Variants in PIK3C2G observed in about 807,000 individuals in gnomAD.
PIK3C2G encodes phosphatidylinositol-4-phosphate 3-kinase catalytic subunit type 2 gamma.
A neutral mutation model predicts 181.1 loss-of-function variants in PIK3C2G; 168 were observed. That is an observed-to-expected ratio of 0.93 (90% CI 0.82 to 1.05). The LOEUF (loss-of-function observed/expected upper bound fraction) is 1.05. PIK3C2G is among the 50% of genes least tolerant of loss of function. PIK3C2G has a pLI of 0.00. For missense variants in PIK3C2G, 1,869 were observed against 1,732.8 expected (o/e 1.08, Z -1.40); for synonymous variants, 573 against 592.2 (o/e 0.97, Z 0.47).
At chr12:18,255,084 C>A (rs952478990) in intron 1 of PIK3C2G, among the ~76,000 whole-genome samples, 1 of 151,402 alleles carries the variant, frequency 6.6e-6, no homozygotes, top group Non-Finnish European at 1.5e-5. Context: ...CAAAATTAGT[C>A]GGGCACATGC....
At chr12:18,425,648 C>A (rs1945765500) in intron 18 of PIK3C2G, among the ~76,000 whole-genome samples, 1 of 151,930 alleles carries the variant, frequency 6.6e-6, no homozygotes, top group Admixed American at 6.6e-5. Flanking sequence ...CCTTGGCCTC[C>A]CAAAGTGCTG....
In PIK3C2G at chr12:18,599,204, C is replaced by T. The variant is rs866602906; in HGVS notation, c.4087+4635C>T. Among the ~76,000 whole-genome samples, 967 of 152,158 alleles carry T rather than the reference C, an allele frequency of 6.4e-3. 2 individuals carry two copies. The highest frequency in any genetic ancestry group is 0.01 in the Middle Eastern group (3 of 294). ...CTCTAAAGACACATGCACACGTATG[C>T]TTATTGCGGCATTATTCACAATAGC... On this transcript the variant is annotated intron_variant, in intron 30 of 32. Coordinates refer to ENST00000538779, the MANE Select transcript of PIK3C2G (RefSeq NM_001288772.2).
intron 1 of PIK3C2G, among the ~76,000 whole-genome samples, chr12:18,270,253 C>T (rs1310837044): frequency 6.6e-6 from 1 of 152,094 alleles, no homozygotes; most frequent in Non-Finnish European, 1.5e-5. Context: ...CTATGGAAGG[C>T]AGTTATTAAT....
At chr12:18,353,787 T>G (rs1940454732) in intron 11 of PIK3C2G, among the ~76,000 whole-genome samples, 1 of 152,194 alleles carries the variant, frequency 6.6e-6, no homozygotes, top group Non-Finnish European at 1.5e-5. Flanking sequence ...GATAGAGATG[T>G]GTGCTTTACC....
At chr12:18,668,670 C>T in the PIK3C2G span, among the ~76,000 whole-genome samples, 1 of 152,164 alleles carries the variant, frequency 6.6e-6, no homozygotes, top group Admixed American at 6.5e-5. Context: ...GTGCTGCTCA[C>T]TTCAGGCCAA....
chr12:18,470,867 A>G lies in PIK3C2G; in HGVS notation c.2505-17582A>G, dbSNP rs548038200. On this transcript the variant is annotated intron_variant, in intron 18 of 32. Coordinates refer to ENST00000538779, the MANE Select transcript of PIK3C2G (RefSeq NM_001288772.2). ...GTTTCAAAAATCAAAATTAAATATT[A>G]TAACGTTTTATTATAATGTTTTATT... is the stretch of plus-strand genomic sequence containing the variant. Among the ~76,000 whole-genome samples the G allele has an allele frequency of 2.0e-5, 3 of 152,266 alleles. No individual in the cohort carries two copies. The South Asian group carries it at 6.2e-4, about 32-fold the overall frequency.
intron 18 of PIK3C2G, among the ~76,000 whole-genome samples, chr12:18,472,155 G>A (rs1038226259): frequency 6.6e-6 from 1 of 152,078 alleles, no homozygotes; most frequent in African/African-American, 2.4e-5. Flanking sequence ...ATGTTCAAAT[G>A]TATAAAAACA....
chr12:18,579,724 G>A (rs958279851), intron 29 of PIK3C2G, among the ~76,000 whole-genome samples: 4 of 151,990 alleles, frequency 2.6e-5, no homozygotes, highest in African/African-American at 9.7e-5. Context: ...TTTTCTTTCA[G>A]TGTTTGTAGT....
intron 1 of PIK3C2G, among the ~76,000 whole-genome samples, chr12:18,248,585 C>G (rs199507062): frequency 2.4e-5 from 1 of 42,140 alleles, no homozygotes; most frequent in Non-Finnish European, 6.2e-5. Flanking sequence ...AAAACAACAA[C>G]AACAACAACA....
chr12:18,673,064 A>T, the PIK3C2G span, among the ~76,000 whole-genome samples: 4 of 152,192 alleles, frequency 2.6e-5, no homozygotes, highest in Non-Finnish European at 5.9e-5. Context: ...GAAGAGAATT[A>T]AAAAGCAGAC....
At chr12:18,288,844 G>A (rs930130313) in intron 3 of PIK3C2G, among the ~76,000 whole-genome samples, 5 of 152,028 alleles carry the variant, frequency 3.3e-5, no homozygotes, top group African/African-American at 9.7e-5. Flanking sequence ...ATATTTTTGT[G>A]GATGCACTAG....
At chr12:18,361,576 G>A (rs1371550144) in intron 11 of PIK3C2G, among the ~76,000 whole-genome samples, 1 of 151,760 alleles carries the variant, frequency 6.6e-6, no homozygotes, top group African/African-American at 2.4e-5. Context: ...AGAGATTCTG[G>A]GTGCCTTCCA....
At position 18,363,070 on chromosome 12, in the gene PIK3C2G, C is replaced by T. The variant is rs899827314; in HGVS notation, c.1748+184C>T. ...TGTTCAATTCAACAGATTAAAAGTC[C>T]ATTTAGAAACCTAGACAAGTGTCCA... On this transcript the variant is annotated intron_variant, in intron 12 of 32. Coordinates refer to ENST00000538779, the MANE Select transcript of PIK3C2G (RefSeq NM_001288772.2). 16 of 452,888 alleles carry T rather than the reference C, an allele frequency of 3.5e-5. No homozygotes were observed. In the East Asian group the frequency reaches 5.0e-4, roughly 14 times the overall value. The allele number at this position is 452,888 out of a possible 1,614,324, so 28.1% of individuals were successfully genotyped here. A position where few individuals can be genotyped will look rare whatever the true frequency, so the allele number is the denominator to read the frequency against.
chr12:18,388,445 T>C (rs1183649839), intron 14 of PIK3C2G, among the ~76,000 whole-genome samples: 2 of 152,142 alleles, frequency 1.3e-5, no homozygotes, highest in Admixed American at 1.3e-4. Context: ...CAGCTTATTT[T>C]TGTATTTTTA....
the PIK3C2G span, among the ~76,000 whole-genome samples, chr12:18,709,276 C>T: frequency 4.6e-5 from 7 of 152,012 alleles, no homozygotes; most frequent in Non-Finnish European, 7.4e-5. Flanking sequence ...AGACATTATC[C>T]TTTACCATTT....
At chr12:18,438,423 AATC>A (rs1201468338) in intron 18 of PIK3C2G, among the ~76,000 whole-genome samples, 2 of 151,922 alleles carry the variant, frequency 1.3e-5, no homozygotes, top group African/African-American at 4.8e-5. Context: ...TAAGAATTCT[AATC>A]ATCTAACTTT....
chr12:18,258,510 A>G (rs947494143), upstream of PIK3C2G, among the ~76,000 whole-genome samples: 1 of 152,038 alleles, frequency 6.6e-6, no homozygotes, highest in Non-Finnish European at 1.5e-5. Flanking sequence ...TTTAGATTTC[A>G]CACATGAGTA....
chr12:18,604,952 C>G (rs1947934436), intron 30 of PIK3C2G, among the ~76,000 whole-genome samples: 1 of 151,980 alleles, frequency 6.6e-6, no homozygotes, highest in Non-Finnish European at 1.5e-5. Context: ...AAAGAGCACA[C>G]ACACAATCTA....
rs755832112 is a variant in PIK3C2G at position 18,291,032 on chromosome 12, A to T, written c.919+20A>T. On this transcript the variant is annotated intron_variant, in intron 4 of 32. Coordinates refer to ENST00000538779, the MANE Select transcript of PIK3C2G (RefSeq NM_001288772.2). ...CATGTGGTAAGCAACCTTGCAAATA[A>T]GTCTACAAATCTATACAAAGCTGGT... is the stretch of plus-strand genomic sequence containing the variant. The T allele has an allele frequency of 1.9e-6, 3 of 1,543,624 alleles. No individual in the cohort carries two copies. In the South Asian group the frequency reaches 3.4e-5, roughly 18 times the overall value.
Sources: gnomAD v4.1 joint callset for allele counts (sites outside exome capture counted in the v4.1 genomes callset) on GRCh38, gnomAD v4.1.1 for gene constraint, MANE v1.5 for transcripts, NCBI Gene and HGNC (gene_info 2026-07-23, HGNC 2026-07-21) for gene names.